Variants in MYO3B observed in about 807,000 individuals in gnomAD.
The protein encoded by MYO3B is myosin IIIB.
Under a neutral mutation model 174.6 loss-of-function variants are expected in MYO3B, and 156 were observed. The observed-to-expected ratio is 0.89, with a 90% CI of 0.78 to 1.02. The LOEUF is 1.02. MYO3B is among the 50% of genes least tolerant of loss of function. The pLI is 0.00. For missense variants in MYO3B, 1,632 were observed against 1,639.4 expected (o/e 1.00, Z 0.08); for synonymous variants, 563 against 569.1 (o/e 0.99, Z 0.15).
intron 30 of MYO3B, among the ~76,000 whole-genome samples, chr2:170,521,400 T>C (rs563196425): frequency 1.4e-4 from 22 of 152,358 alleles, no homozygotes; most frequent in Admixed American, 1.4e-3. Flanking sequence ...TCCAACTGTT[T>C]GACCTTGGGC....
chr2:170,572,607 C>CAAAAAA (rs574487856), intron 32 of MYO3B, among the ~76,000 whole-genome samples: 1 of 124,032 alleles, frequency 8.1e-6, no homozygotes, highest in African/African-American at 3.1e-5. Context: ...GACCCTATAT[C>CAAAAAA]AAAAAAAAAA....
chr2:170,496,813 C>G (rs6724778), intron 25 of MYO3B, among the ~76,000 whole-genome samples: 1 of 151,500 alleles, frequency 6.6e-6, no homozygotes, highest in Admixed American at 6.6e-5. Flanking sequence ...TTTTTTGCAG[C>G]GACTGGATTT....
intron 12 of MYO3B, among the ~76,000 whole-genome samples, chr2:170,384,519 A>G (rs72874573): frequency 0.08 from 12,231 of 152,196 alleles, 1,110 homozygotes; most frequent in East Asian, 0.5. Flanking sequence ...GATCTGGAAA[A>G]GTCCCAGCTT....
intron 32 of MYO3B, among the ~76,000 whole-genome samples, chr2:170,645,846 TTTC>T (rs1575332387): frequency 1.3e-5 from 2 of 152,340 alleles, no homozygotes. Flanking sequence ...AGTTTTGAAT[TTTC>T]TTCTGTCAAC....
chr2:170,532,473 CCCTT>C (rs1010127023), intron 30 of MYO3B, among the ~76,000 whole-genome samples: 30 of 152,060 alleles, frequency 2.0e-4, no homozygotes, highest in African/African-American at 6.5e-4. Context: ...TAAGAAAATG[CCCTT>C]CCTTTTTGAA....
chr2:170,478,442 A>G (rs995072332), intron 25 of MYO3B, among the ~76,000 whole-genome samples: 2 of 151,940 alleles, frequency 1.3e-5, no homozygotes, highest in Non-Finnish European at 2.9e-5. Context: ...GAAAGTGCAG[A>G]CGTGCCTGAC....
chr2:170,415,562 A>G (rs919279097), intron 22 of MYO3B, among the ~76,000 whole-genome samples: 1 of 152,232 alleles, frequency 6.6e-6, no homozygotes, highest in African/African-American at 2.4e-5. Flanking sequence ...GCATATAGTA[A>G]GCATTCAATA....
intron 20 of MYO3B, among the ~76,000 whole-genome samples, chr2:170,404,924 G>A (rs1441131322): frequency 2.0e-5 from 3 of 152,154 alleles, no homozygotes; most frequent in Non-Finnish European, 4.4e-5. Flanking sequence ...GACATCAAAG[G>A]CCCTCTATTC....
intron 32 of MYO3B, among the ~76,000 whole-genome samples, chr2:170,566,379 G>C (rs995346024): frequency 1.3e-5 from 2 of 152,284 alleles, no homozygotes; most frequent in Admixed American, 6.5e-5. Flanking sequence ...TAATCATTTT[G>C]TTGATTGTAA....
rs771975419 is a variant in MYO3B, at chr2:170,391,638, G to C, written c.1676+20G>C. 3.5e-6 allele frequency: 5 copies of C among 1,415,558 alleles called. No homozygotes were observed. In the East Asian group the frequency reaches 9.4e-5, roughly 27 times the overall value. 87.7% of individuals were successfully genotyped at this position (1,415,558 alleles called of 1,614,324 possible). A position where few individuals can be genotyped will look rare whatever the true frequency, so the allele number is the denominator to read the frequency against. ...TCCTAGGTAAGTGTCAGGGGGGTTG[G>C]TTGTTAATTTTTGATGAATGTACGA... On this transcript the variant is annotated intron_variant, in intron 15 of 34. Coordinates refer to ENST00000408978, the MANE Select transcript of MYO3B (RefSeq NM_138995.5).
intron 16 of MYO3B, among the ~76,000 whole-genome samples, chr2:170,394,422 A>C (rs2094432774): frequency 6.6e-6 from 1 of 152,196 alleles, no homozygotes; most frequent in African/African-American, 2.4e-5. Context: ...TAGTACAACA[A>C]CACTAAAGCA....
At chr2:170,223,316 C>T (rs1440580993) in intron 6 of MYO3B, among the ~76,000 whole-genome samples, 1 of 152,162 alleles carries the variant, frequency 6.6e-6, no homozygotes, top group East Asian at 1.9e-4. Flanking sequence ...CTCTTTTCTC[C>T]TCCACTATCT....
At chr2:170,282,698 T>G (rs756776541) in intron 7 of MYO3B, among the ~76,000 whole-genome samples, 3 of 152,160 alleles carry the variant, frequency 2.0e-5, no homozygotes, top group Non-Finnish European at 4.4e-5. Context: ...TTGATTAGCA[T>G]GATCATTTAA....
chr2:170,649,662 A>G (rs1440767550), intron 32 of MYO3B, among the ~76,000 whole-genome samples: 1 of 150,688 alleles, frequency 6.6e-6, no homozygotes, highest in African/African-American at 2.4e-5. Context: ...CCCCATCTCT[A>G]CAAAAAATAC....
At chr2:170,515,074 G>C (rs1274798216) in intron 29 of MYO3B, 52 bp downstream of exon 29, 2 of 1,514,234 alleles carry the variant, frequency 1.3e-6, no homozygotes, top group South Asian at 2.3e-5. Context: ...GGGCATTCCG[G>C]AGAAGGTTCC....
At chr2:170,480,097 CAGAG>C (rs753976701) in intron 25 of MYO3B, among the ~76,000 whole-genome samples, 10 of 150,874 alleles carry the variant, frequency 6.6e-5, no homozygotes, top group Non-Finnish European at 1.3e-4. Context: ...TATTTATAGA[CAGAG>C]AGGTTTTCAG....
chr2:170,390,889 G>A (rs113848964), intron 14 of MYO3B, among the ~76,000 whole-genome samples: 1 of 152,124 alleles, frequency 6.6e-6, no homozygotes, highest in Admixed American at 6.5e-5. Flanking sequence ...AAACGTCTAG[G>A]CATGTACTTA....
chr2:170,645,246 G>T (rs2105461837), intron 32 of MYO3B, among the ~76,000 whole-genome samples: 1 of 152,226 alleles, frequency 6.6e-6, no homozygotes, highest in East Asian at 1.9e-4. Flanking sequence ...CAAGGCAGGT[G>T]GATTGCTTGA....
intron 29 of MYO3B, among the ~76,000 whole-genome samples, chr2:170,516,499 C>T (rs138266668): frequency 7.0e-4 from 106 of 152,002 alleles, no homozygotes; most frequent in African/African-American, 2.3e-3. Flanking sequence ...AAAAATTAGG[C>T]GGGCATGGCG....
Sources: allele counts gnomAD v4.1 joint callset (sites outside exome capture counted in the v4.1 genomes callset), GRCh38; gene constraint gnomAD v4.1.1; transcripts MANE v1.5; gene names NCBI Gene and HGNC (gene_info 2026-07-23, HGNC 2026-07-21).